Variants in UCHL3 observed in about 807,000 individuals in gnomAD.
UCHL3 encodes the protein ubiquitin C-terminal hydrolase L3.
Under a neutral mutation model 35.8 loss-of-function variants are expected in UCHL3, and 22 were observed. The ratio of observed to expected loss-of-function variants is 0.61; its 90% confidence interval spans 0.44 to 0.88. The LOEUF is 0.88. UCHL3 is among the 40% of genes least tolerant of loss of function. The probability of loss-of-function intolerance (pLI) is 0.00; values close to 1 mark genes in which losing one functional copy is unlikely to be tolerated. For missense variants in UCHL3, 229 were observed against 276.9 expected (o/e 0.83, Z 1.23); for synonymous variants, 90 against 92.8 (o/e 0.97, Z 0.17).
At chr13:75,586,855 A>T (rs867474193) in intron 6 of UCHL3, among the ~76,000 whole-genome samples, 4 of 151,902 alleles carry the variant, frequency 2.6e-5, no homozygotes, top group Middle Eastern at 3.2e-3. Context: ...AATTGACAGG[A>T]TACAGCTAAT....
intron 2 of UCHL3, among the ~76,000 whole-genome samples, chr13:75,559,189 G>C (rs1471464645): frequency 6.6e-6 from 1 of 152,040 alleles, no homozygotes; most frequent in East Asian, 1.9e-4. Context: ...ACAGGCGCCA[G>C]CCACCACGCC....
At chr13:75,601,578 T>C (rs1038967169) in intron 7 of UCHL3, among the ~76,000 whole-genome samples, 5 of 152,202 alleles carry the variant, frequency 3.3e-5, no homozygotes, top group Non-Finnish European at 5.9e-5. Context: ...AAGGTATGTA[T>C]ATTGTTTTCT....
At chr13:75,559,347 C>G (rs1435276546) in intron 2 of UCHL3, among the ~76,000 whole-genome samples, 1 of 152,082 alleles carries the variant, frequency 6.6e-6, no homozygotes, top group African/African-American at 2.4e-5. Flanking sequence ...GCCCTCAGCC[C>G]CGGACTCTTA....
At chr13:75,555,519 T>C (rs2031265515) in intron 2 of UCHL3, among the ~76,000 whole-genome samples, 1 of 152,186 alleles carries the variant, frequency 6.6e-6, no homozygotes, top group African/African-American at 2.4e-5. Flanking sequence ...GCTTTCCTGC[T>C]CCAGAAGATC....
intron 2 of UCHL3, among the ~76,000 whole-genome samples, chr13:75,554,523 A>G (rs1593971222): frequency 6.6e-6 from 1 of 152,198 alleles, no homozygotes; most frequent in East Asian, 1.9e-4. Context: ...GGCTATTCCA[A>G]ATATGGCTAT....
rs9600499 is a variant in UCHL3, at chr13:75,574,184, C to T, written c.474+4677C>T. On this transcript the variant is annotated intron_variant, in intron 6 of 8. Transcript: ENST00000377595. ...AGTGAGCCGAGATTGTGCCACTGTA[C>T]TCCAGCCTGGGCAACAGAAGGAGAC... 7.0e-3 allele frequency among the ~76,000 whole-genome samples: 1,061 copies of T among 151,928 alleles called. 10 individuals carry two copies. The highest frequency in any genetic ancestry group is 0.023 in the African/African-American group (961 of 41,400).
chr13:75,595,834 G>T (rs1374957914), intron 7 of UCHL3, among the ~76,000 whole-genome samples: 1 of 150,778 alleles, frequency 6.6e-6, no homozygotes, highest in Non-Finnish European at 1.5e-5. Context: ...TTCATGGCAT[G>T]TTGGAGGAGA....
chr13:75,604,499 C>T (rs138290692), intron 7 of UCHL3: 12 of 310,840 alleles, frequency 3.9e-5, no homozygotes, highest in Middle Eastern at 9.2e-4. Context: ...AATAATTTTG[C>T]GTATTATTTT....
rs1555276762 is a variant in UCHL3, at chr13:75,592,446, A to ACATATATATATATATGTATATATG, written c.475-2469_475-2468insCATATATATATATATGTATATATG. Among the ~76,000 whole-genome samples the ACATATATATATATATGTATATATG allele has an allele frequency of 1.5e-3, 108 of 71,076 alleles. 7 individuals carry two copies. The highest frequency in any genetic ancestry group is 5.5e-3 in the Admixed American group (33 of 6,012). 46.6% of individuals were successfully genotyped at this position (71,076 alleles called of 152,430 possible). ...TATATATATATATATATATATATAT[A>ACATATATATATATATGTATATATG]TATATATATATATATATATATGAAG... is the stretch of plus-strand genomic sequence containing the variant. On this transcript the variant is annotated intron_variant, in intron 6 of 8. Transcript: ENST00000377595.
intron 6 of UCHL3, among the ~76,000 whole-genome samples, chr13:75,586,636 C>G (rs1025986271): frequency 6.6e-6 from 1 of 151,848 alleles, no homozygotes; most frequent in East Asian, 1.9e-4. Flanking sequence ...AAAAATCAAC[C>G]TTAAATTTTT....
chr13:75,585,284 A>T (rs1042754343), intron 6 of UCHL3, among the ~76,000 whole-genome samples: 2 of 152,194 alleles, frequency 1.3e-5, no homozygotes, highest in Non-Finnish European at 2.9e-5. Flanking sequence ...AAGAACAAAG[A>T]TAAATGGAAA....
intron 6 of UCHL3, chr13:75,590,177 C>CTTTTT (rs35178906): frequency 4.4e-6 from 5 of 1,132,234 alleles, no homozygotes; most frequent in Non-Finnish European, 5.5e-6. Context: ...CAAGGGCTGT[C>CTTTTT]TTTTTTTTTT....
At chr13:75,575,117 A>T (rs1030185566) in intron 6 of UCHL3, among the ~76,000 whole-genome samples, 1 of 152,238 alleles carries the variant, frequency 6.6e-6, no homozygotes, top group Non-Finnish European at 1.5e-5. Flanking sequence ...GCCTTATTGC[A>T]TGCTGAGATT....
chr13:75,592,446 A>ATACATATATATATATATG (rs36133915), intron 6 of UCHL3, among the ~76,000 whole-genome samples: 6 of 71,072 alleles, frequency 8.4e-5, no homozygotes, highest in South Asian at 4.4e-4. Flanking sequence ...ATATATATAT[A>ATACATATATATATATATG]TATATATATA....
chr13:75,604,500 GTAT>G (rs1566233906), intron 7 of UCHL3: 3 of 314,350 alleles, frequency 9.5e-6, no homozygotes. Flanking sequence ...ATAATTTTGC[GTAT>G]TATTTTCAGG....
intron 3 of UCHL3, among the ~76,000 whole-genome samples, chr13:75,562,186 A>G (rs951270956): frequency 6.6e-6 from 1 of 152,144 alleles, no homozygotes; most frequent in Non-Finnish European, 1.5e-5. Context: ...TCTTTATGCT[A>G]TAACAAATTA....
intron 7 of UCHL3, among the ~76,000 whole-genome samples, chr13:75,599,777 T>C (rs1001575512): frequency 6.6e-6 from 1 of 152,218 alleles, no homozygotes; most frequent in African/African-American, 2.4e-5. Context: ...TGAGGCCAGA[T>C]AATAACCCTA....
chr13:75,568,908 C>G (rs983880108), intron 5 of UCHL3, among the ~76,000 whole-genome samples: 1 of 152,060 alleles, frequency 6.6e-6, no homozygotes, highest in Non-Finnish European at 1.5e-5. Context: ...GTGCCCATTT[C>G]TCTGGATGTT....
rs149430033 is a variant in UCHL3 at position 75,605,583 on chromosome 13, C to T, written c.610-146C>T. 255 of 747,714 alleles carry T rather than the reference C, an allele frequency of 3.4e-4. 1 individual carries two copies. The East Asian group carries it at 6.7e-3, about 20-fold the overall frequency. The allele number at this position is 747,714 out of a possible 1,614,324, so 46.3% of individuals were successfully genotyped here. ...CAAAGCAAATTAGGGCACCCATGTT[C>T]ACTTTTCTGGTGTTCTTTATTTCTC... On this transcript the variant is annotated intron_variant, in intron 8 of 8. Coordinates refer to ENST00000377595, the MANE Select transcript of UCHL3 (RefSeq NM_006002.5).
Sources: gnomAD v4.1 joint callset for allele counts (sites outside exome capture counted in the v4.1 genomes callset) on GRCh38, gnomAD v4.1.1 for gene constraint, MANE v1.5 for transcripts, NCBI Gene and HGNC (gene_info 2026-07-23, HGNC 2026-07-21) for gene names.